Variants in FNDC3B observed in about 807,000 individuals in gnomAD.
FNDC3B encodes fibronectin type III domain-containing protein 3B.
Under a neutral mutation model 151.5 loss-of-function variants are expected in FNDC3B, and 12 were observed. The observed-to-expected ratio is 0.08, with a 90% confidence interval of 0.05 to 0.13. The LOEUF is 0.13. Among genes scored for constraint, FNDC3B ranks in the 10% least tolerant of loss-of-function variants. The probability of loss-of-function intolerance (pLI) is 1.00; values close to 1 mark genes in which losing one functional copy is unlikely to be tolerated. For synonymous variants in FNDC3B, 528 were observed against 549.0 expected (o/e 0.96, Z 0.54); for missense variants, 1,214 against 1,505.3 (o/e 0.81, Z 3.20).
chr3:172,290,739 C>G (rs888663656), intron 7 of FNDC3B, among the ~76,000 whole-genome samples: 1 of 152,194 alleles, frequency 6.6e-6, no homozygotes, highest in Non-Finnish European at 1.5e-5. Context: ...ATAGGCGGCT[C>G]TTAGCACTTC....
At chr3:172,257,098 A>G (rs1560043042) in intron 6 of FNDC3B, among the ~76,000 whole-genome samples, 1 of 152,048 alleles carries the variant, frequency 6.6e-6, no homozygotes, top group Non-Finnish European at 1.5e-5. Context: ...TTTAGTGGAG[A>G]TGGGGTTTCG....
At chr3:172,045,794 C>A (rs536843) in intron 1 of FNDC3B, among the ~76,000 whole-genome samples, 131,556 of 146,734 alleles carry the variant, frequency 0.9, 58,615 homozygotes, top group South Asian at 0.94. Flanking sequence ...CTCTCTCTCT[C>A]TATATATATA....
chr3:172,279,325 A>G (rs893251066), intron 6 of FNDC3B, among the ~76,000 whole-genome samples: 1 of 152,184 alleles, frequency 6.6e-6, no homozygotes, highest in African/African-American at 2.4e-5. Context: ...TTCTCTGGCC[A>G]TCTCTCCTGT....
intron 6 of FNDC3B, among the ~76,000 whole-genome samples, chr3:172,263,807 C>T (rs772493688): frequency 6.6e-6 from 1 of 152,080 alleles, no homozygotes. Flanking sequence ...TACAACATTA[C>T]GCATGAGGAC....
chr3:172,188,652 G>A (rs911191671), intron 3 of FNDC3B, among the ~76,000 whole-genome samples: 42 of 152,056 alleles, frequency 2.8e-4, no homozygotes, highest in African/African-American at 9.2e-4. Context: ...TGATCCGCCC[G>A]CCTCAGCCTC....
At chr3:172,292,485 A>G (rs912814442) in intron 7 of FNDC3B, among the ~76,000 whole-genome samples, 10 of 152,246 alleles carry the variant, frequency 6.6e-5, no homozygotes, top group Non-Finnish European at 1.5e-4. Context: ...TCCTAAGGGA[A>G]AAAAGTAAAG....
At chr3:172,354,548 C>T (rs984055209) in intron 22 of FNDC3B, among the ~76,000 whole-genome samples, 1 of 151,332 alleles carries the variant, frequency 6.6e-6, no homozygotes, top group Non-Finnish European at 1.5e-5. Flanking sequence ...TGGTTTATAG[C>T]TTTAGGAATT....
intron 23 of FNDC3B, among the ~76,000 whole-genome samples, chr3:172,374,319 A>C (rs570566675): frequency 1.3e-5 from 2 of 152,248 alleles, no homozygotes; most frequent in South Asian, 2.1e-4. Context: ...TCTTCACAGC[A>C]TTAAGATGAT....
intron 3 of FNDC3B, among the ~76,000 whole-genome samples, chr3:172,221,024 A>C (rs6772385): frequency 0.77 from 116,610 of 152,130 alleles, 44,939 homozygotes; most frequent in African/African-American, 0.82. Context: ...TAAATTTATC[A>C]CCAGGTATTT....
intron 3 of FNDC3B, among the ~76,000 whole-genome samples, chr3:172,171,863 C>T (rs1005736057): frequency 6.6e-6 from 1 of 151,842 alleles, no homozygotes; most frequent in Admixed American, 6.5e-5. Flanking sequence ...TACCCCATGT[C>T]TGCCCTGTAC....
intron 1 of FNDC3B, among the ~76,000 whole-genome samples, chr3:172,047,625 G>A (rs889127667): frequency 2.0e-5 from 3 of 152,126 alleles, no homozygotes; most frequent in African/African-American, 7.2e-5. Context: ...GCTCTCTGTG[G>A]ATTGCCATGA....
intron 3 of FNDC3B, among the ~76,000 whole-genome samples, chr3:172,156,225 A>C (rs1722477814): frequency 6.6e-6 from 1 of 152,184 alleles, no homozygotes; most frequent in South Asian, 2.1e-4. Context: ...TATTAATCTC[A>C]TGTGTTTTGC....
At chr3:172,284,987 T>C (rs1343662933) in intron 6 of FNDC3B, among the ~76,000 whole-genome samples, 1 of 151,966 alleles carries the variant, frequency 6.6e-6, no homozygotes, top group East Asian at 1.9e-4. Flanking sequence ...GATTCTTAAG[T>C]TCTATCACTT....
rs1733888643 is a variant in FNDC3B, at chr3:172,352,187, A to G, written c.2515-616A>G. Among the ~76,000 whole-genome samples the G allele has an allele frequency of 1.3e-5, 2 of 152,218 alleles. 1 individual carries two copies. Among genetic ancestry groups the G allele is most frequent in the South Asian group, 4.1e-4 (2 of 4,836 alleles). On this transcript the variant is annotated intron_variant, in intron 21 of 25. Transcript: ENST00000415807. This position sits in a 1 kb window ranked among gnomAD's most constrained non-coding sequence, Gnocchi z 4.2. ...AGGTAGGAGGAGAAATAAGTGTGGC[A>G]TCTTGGAGACCTAGTGATGAATAAG...
At chr3:172,368,527 A>G (rs899464807) in intron 23 of FNDC3B, among the ~76,000 whole-genome samples, 2 of 152,176 alleles carry the variant, frequency 1.3e-5, no homozygotes, top group African/African-American at 4.8e-5. Flanking sequence ...TTCATATGAC[A>G]TCCACCAGCA....
At chr3:172,202,546 C>T (rs1008843501) in intron 3 of FNDC3B, among the ~76,000 whole-genome samples, 4 of 152,192 alleles carry the variant, frequency 2.6e-5, no homozygotes, top group African/African-American at 7.2e-5. Context: ...CTAACACCCC[C>T]TTGTAAGGGC....
At chr3:172,201,483 G>A (rs1435786692) in intron 3 of FNDC3B, among the ~76,000 whole-genome samples, 1 of 152,186 alleles carries the variant, frequency 6.6e-6, no homozygotes, top group African/African-American at 2.4e-5. Flanking sequence ...CTGCCACTGG[G>A]CTCTTTTGTT....
At chr3:172,354,854 C>A (rs1706062468) in intron 22 of FNDC3B, among the ~76,000 whole-genome samples, 1 of 145,828 alleles carries the variant, frequency 6.9e-6, no homozygotes, top group African/African-American at 2.5e-5. Flanking sequence ...AGACTTGTTT[C>A]TTTTGTTTGA....
At chr3:172,313,088 A>G (rs752596946) in intron 11 of FNDC3B, among the ~76,000 whole-genome samples, 2 of 151,270 alleles carry the variant, frequency 1.3e-5, no homozygotes, top group Non-Finnish European at 2.9e-5. Context: ...TTTCTCTCCC[A>G]CCTTCAAATT....
Sources: gnomAD v4.1 joint callset for allele counts (sites outside exome capture counted in the v4.1 genomes callset) on GRCh38, gnomAD v4.1.1 for gene constraint, Gnocchi (gnomAD v3.1) non-coding constraint, MANE v1.5 for transcripts, NCBI Gene and HGNC (gene_info 2026-07-23, HGNC 2026-07-21) for gene names.